Variants in BEST4 observed in about 807,000 individuals in gnomAD.
The protein encoded by BEST4 is bestrophin 4.
In BEST4, 36 loss-of-function variants were observed where a neutral mutation model predicts 47.1. The observed-to-expected ratio is 0.76, with a 90% CI of 0.59 to 1.01. BEST4 has a LOEUF of 1.01. Among genes scored for constraint, BEST4 ranks in the 50% least tolerant of loss-of-function variants. BEST4 has a pLI of 0.00. For missense variants in BEST4, 550 were observed against 648.6 expected, an observed-to-expected ratio of 0.85 and a Z score of 1.65; for synonymous variants, 250 against 277.8, an observed-to-expected ratio of 0.90 and a Z score of 1.00.
chr1:44,782,264 G>A (rs915836455), downstream of BEST4, among the ~76,000 whole-genome samples: 6 of 151,316 alleles, frequency 4.0e-5, no homozygotes, highest in East Asian at 1.9e-4. Flanking sequence ...CAAATACCTC[G>A]TGAATGAATG....
chr1:44,785,780 G>T, intron 4 of BEST4, 104 bp from the exon 5 acceptor site: 2 of 1,018,018 alleles, frequency 2.0e-6, no homozygotes, highest in Non-Finnish European at 2.9e-6. Flanking sequence ...TTCTCATTCT[G>T]CCCTCAGAGG....
At chr1:44,787,522 C>T (rs1295093583) in intron 1 of BEST4, 32 bp downstream of exon 1, 3 of 1,613,994 alleles carry the variant, frequency 1.9e-6, no homozygotes, top group Admixed American at 3.3e-5. Context: ...CCAGTCTCCC[C>T]ACTTGCGCCA....
At chr1:44,782,807 C>G (rs1010212753), downstream of BEST4, among the ~76,000 whole-genome samples, 16 of 152,168 alleles carry the variant, frequency 1.1e-4, no homozygotes, top group African/African-American at 3.6e-4. Context: ...CTCCTCTGTT[C>G]TGGCATTTAT....
At chr1:44,785,741 A>T (rs1651195869) in intron 4 of BEST4, 65 bp from the exon 5 acceptor site, 1 of 1,393,182 alleles carries the variant, frequency 7.2e-7, no homozygotes, top group South Asian at 1.2e-5. Context: ...CCCAGCACAA[A>T]CTAGGCCTGG....
upstream of BEST4, among the ~76,000 whole-genome samples, chr1:44,789,395 C>CAAAAAAA (rs35605473): frequency 2.6e-5 from 2 of 77,100 alleles, no homozygotes; most frequent in Non-Finnish European, 5.2e-5. Flanking sequence ...GACTCTGTCT[C>CAAAAAAA]AAAAAAAAAA....
At chr1:44,790,441 C>CA (rs1651381598), upstream of BEST4, among the ~76,000 whole-genome samples, 1 of 152,114 alleles carries the variant, frequency 6.6e-6, no homozygotes, top group African/African-American at 2.4e-5. Flanking sequence ...ACTGTTCCTT[C>CA]AAGATGTGGC....
rs1334208199 is a variant in BEST4 at position 44,783,993 on chromosome 1, C to G, written c.*217G>C. On this transcript the variant is annotated 3_prime_UTR_variant, in exon 9 of 9. Coordinates refer to ENST00000372207, the MANE Select transcript of BEST4 (RefSeq NM_153274.3). Reference sequence around the variant, plus strand: ...CTCATTTATTTTTCTAGCTTCACGTCCCCCAAGCAACCGACCTTCTCTCCC... The same window carrying G: ...CTCATTTATTTTTCTAGCTTCACGTGCCCCAAGCAACCGACCTTCTCTCCC... The G allele has an allele frequency of 1.1e-5, 5 of 452,392 alleles. No individual in the cohort carries two copies. The highest frequency in any genetic ancestry group is 1.2e-4 in the South Asian group (2 of 16,200). 28.0% of individuals were successfully genotyped at this position (452,392 alleles called of 1,614,324 possible). A position where few individuals can be genotyped will look rare whatever the true frequency, so the allele number is the denominator to read the frequency against.
Position 44,784,348 on chromosome 1 carries a change from C to A in BEST4, c.1284G>T (p.Arg428=). The change falls in exon 9 of 9, where the codon CGG becomes CGT. Residue 428 remains arginine, a synonymous_variant. Coordinates refer to ENST00000372207, the MANE Select transcript of BEST4 (RefSeq NM_153274.3). The surrounding 1 kb of genome is among the most constrained non-coding windows in gnomAD (Gnocchi z 6.2). The part of the protein sequence containing the change: ...VGAPSPAISL[R]NFGRVRGTPR... ...GGGTGCCTCGCACGCGGCCGAAGTT[C>A]CGGAGGCTGATGGCCGGGGAGGGCG... 2.9e-6 allele frequency: 4 copies of A among 1,392,890 alleles called. No homozygotes were observed. The highest frequency in any genetic ancestry group is 3.7e-6 in the Non-Finnish European group (4 of 1,083,058). The allele number at this position is 1,392,890 out of a possible 1,614,324, so 86.3% of individuals were successfully genotyped here.
rs1051850223 is a variant in BEST4, at chr1:44,784,391, C to G, written c.1241G>C (p.Arg414Pro). Reference protein sequence around the residue: ...APAAQTPLLGRFLGVGAPSPA... With the variant: ...APAAQTPLLGPFLGVGAPSPA... ...GGAGGGCGCCCCTACGCCCAGGAAG[C>G]GGCCGAGCAACGGGGTCTGCGCGGC... The change falls in exon 9 of 9, where the codon CGC becomes CCC. Residue 414 changes from arginine to proline, a missense_variant. Around this residue, in one of 3 missense-constraint regions of BEST4, gnomAD observed 255 missense variants for 286.6 expected, o/e 0.89. Transcript: ENST00000372207. The surrounding 1 kb of genome is among the most constrained non-coding windows in gnomAD (Gnocchi z 6.2). The G allele has an allele frequency of 2.1e-6, 3 of 1,401,026 alleles. No individual in the cohort carries two copies. Among genetic ancestry groups the G allele is most frequent in the African/African-American group, 3.1e-5 (2 of 65,482 alleles). 86.8% of individuals were successfully genotyped at this position (1,401,026 alleles called of 1,614,324 possible). A position where few individuals can be genotyped will look rare whatever the true frequency, so the allele number is the denominator to read the frequency against.
chr1:44,785,264 C>G lies in BEST4; in HGVS notation c.756G>C (p.Leu252=). The G allele has an allele frequency of 6.2e-7, 1 of 1,612,078 alleles. No homozygotes were observed. ...CTGGCTCCACAAACTGGCGGCCAAC[C>G]AGGGAGAGGGCAAAGAAAGAGTAGA... is the stretch of plus-strand genomic sequence containing the variant. The part of the protein sequence containing the change: ...IAVYSFFALS[L]VGRQFVEPEA... Residue 252 remains leucine (L), a synonymous_variant, in exon 6 of 9, where the codon CTG becomes CTC. Coordinates refer to ENST00000372207, the MANE Select transcript of BEST4 (RefSeq NM_153274.3).
rs1409814677 is a variant in BEST4, at chr1:44,784,312, CG to C, written c.1319del (p.Pro440ArgfsTer80). On this transcript the variant is annotated frameshift_variant, in exon 9 of 9. Transcript: ENST00000372207. LOFTEE classifies it low-confidence loss of function (END_TRUNC). The surrounding 1 kb of genome is among the most constrained non-coding windows in gnomAD (Gnocchi z 6.2). ...FGRVRGTPRP[P>X]HLLRFRAEEG... is the part of the protein sequence containing the mutation. ...CCTCCGCCCGGAAGCGCAGCAGATG[CG>C]GGGGGCGGGGGGTGCCTCGCACGCG... 7.2e-7 allele frequency: 1 copy of C among 1,394,420 alleles called. No individual in the cohort carries two copies. Among genetic ancestry groups the C allele is most frequent in the Non-Finnish European group, 9.2e-7 (1 of 1,085,076 alleles). The allele number at this position is 1,394,420 out of a possible 1,614,324, so 86.4% of individuals were successfully genotyped here.
rs1651205341 is a variant in BEST4 at position 44,786,083 on chromosome 1, TAGAC to T, written c.623_626del (p.Cys208TyrfsTer6). Reference sequence around the variant, plus strand: ...TCCTGAGCCCACTCACTTCCAAAAGTAGACAGAGAGCGATATCGTCACGTATTCG... The same window carrying T: ...TCCTGAGCCCACTCACTTCCAAAAGTAGAGAGCGATATCGTCACGTATTCG... On this transcript the variant is annotated frameshift_variant, in exon 4 of 9. Coordinates refer to ENST00000372207, the MANE Select transcript of BEST4 (RefSeq NM_153274.3). LOFTEE classifies it high-confidence loss of function. The surrounding 1 kb of genome is among the most constrained non-coding windows in gnomAD (Gnocchi z 4.9). The T allele has an allele frequency of 6.2e-6, 10 of 1,605,188 alleles. No individual in the cohort carries two copies. The highest frequency in any genetic ancestry group is 7.6e-6 in the Non-Finnish European group (9 of 1,176,968).
rs770400894 is a variant in BEST4, at chr1:44,787,712, G to C, written c.-7C>G. 6.2e-6 allele frequency: 10 copies of C among 1,613,720 alleles called. No individual in the cohort carries two copies. The highest frequency in any genetic ancestry group is 8.5e-6 in the Non-Finnish European group (10 of 1,180,014). Reference sequence around the variant, plus strand: ...GAGTGTATGAAACCGTCATGGTGCTGGGAGCCTGGGGCAGGAGGTCACAAG... The same window carrying C: ...GAGTGTATGAAACCGTCATGGTGCTCGGAGCCTGGGGCAGGAGGTCACAAG... On this transcript the variant is annotated 5_prime_UTR_variant, in exon 1 of 9. Coordinates refer to ENST00000372207, the MANE Select transcript of BEST4 (RefSeq NM_153274.3).
At chr1:44,787,107 C>A (rs1166798634) in intron 2 of BEST4, among the ~76,000 whole-genome samples, 1 of 149,362 alleles carries the variant, frequency 6.7e-6, no homozygotes, top group African/African-American at 2.5e-5. Flanking sequence ...CCTGCTCTGG[C>A]TGACCAGGAA....
In BEST4 at chr1:44,786,381, C is replaced by G; in HGVS notation, c.481+82G>C. On this transcript the variant is annotated intron_variant, in intron 3 of 8. Transcript: ENST00000372207. The surrounding 1 kb of genome is among the most constrained non-coding windows in gnomAD (Gnocchi z 4.9). ...CGCAGTCCAGACCCTTCCCTGGAGG[C>G]CCCTGCTCCCAGGACTCTCCCAGGC... The G allele has an allele frequency of 7.0e-7, 1 of 1,425,742 alleles. No homozygotes were observed. The highest frequency in any genetic ancestry group is 2.5e-5 in the Admixed American group (1 of 40,496). 88.3% of individuals were successfully genotyped at this position (1,425,742 alleles called of 1,614,324 possible).
chr1:44,786,590 G>T lies in BEST4; in HGVS notation c.354C>A (p.Asp118Glu), dbSNP rs373896908. 2.2e-5 allele frequency: 34 copies of T among 1,550,706 alleles called. No homozygotes were observed. The highest frequency in any genetic ancestry group is 3.0e-5 in the Non-Finnish European group (34 of 1,147,030). Residue 118 changes from aspartate to glutamate, a missense_variant, in exon 3 of 9, where the codon GAC becomes GAA. Asp to Glu is a conservative substitution (Grantham distance 45). This residue lies in a region of BEST4 where 291 missense variants were observed against 342.4 expected (regional missense o/e 0.85). Transcript: ENST00000372207. The surrounding 1 kb of genome is among the most constrained non-coding windows in gnomAD (Gnocchi z 4.9). ...CVISASVHGVDQRGRLLRRTL... is the reference protein window; with the variant it reads ...CVISASVHGVEQRGRLLRRTL... Reference sequence around the variant, plus strand: ...TGCGGCGCAGCAGGCGGCCCCGCTGGTCCACGCCGTGCACGCTAGCCGAGA... The same window carrying T: ...TGCGGCGCAGCAGGCGGCCCCGCTGTTCCACGCCGTGCACGCTAGCCGAGA...
rs1319470329 is a variant in BEST4 at position 44,785,235 on chromosome 1, G to A, written c.785C>T (p.Ala262Val). The change falls in exon 6 of 9, where the codon GCA becomes GTA. Residue 262 changes from alanine to valine, a missense_variant. By Grantham distance (64) the Ala-to-Val change is moderately conservative. Around this residue, in one of 3 missense-constraint regions of BEST4, gnomAD observed 4 missense variants for 19.6 expected, o/e 0.20. Coordinates refer to ENST00000372207, the MANE Select transcript of BEST4 (RefSeq NM_153274.3). Reference sequence around the variant, plus strand: ...AAGCTTCTGAGGTTTGGCAGCCCCTGCCTCTGGCTCCACAAACTGGCGGCC... The same window carrying A: ...AAGCTTCTGAGGTTTGGCAGCCCCTACCTCTGGCTCCACAAACTGGCGGCC... ...LVGRQFVEPE[A>V]GAAKPQKLLK... 6.2e-7 allele frequency: 1 copy of A among 1,613,154 alleles called. No individual in the cohort carries two copies. The highest frequency in any genetic ancestry group is 8.5e-7 in the Non-Finnish European group (1 of 1,179,710).
Position 44,784,375 on chromosome 1 carries a change from C to T in BEST4, c.1257G>A (p.Gly419=), listed in dbSNP as rs1027930240. Residue 419 remains glycine (G), a synonymous_variant, in exon 9 of 9, where the codon GGG becomes GGA. Transcript: ENST00000372207. The surrounding 1 kb of genome is among the most constrained non-coding windows in gnomAD (Gnocchi z 6.2). ...TPLLGRFLGV[G]APSPAISLRN... ...GGAGGCTGATGGCCGGGGAGGGCGC[C>T]CCTACGCCCAGGAAGCGGCCGAGCA... is the stretch of plus-strand genomic sequence containing the variant. 1.2e-4 allele frequency: 161 copies of T among 1,398,748 alleles called. No homozygotes were observed. The highest frequency in any genetic ancestry group is 1.7e-4 in the Admixed American group (5 of 28,612). 86.6% of individuals were successfully genotyped at this position (1,398,748 alleles called of 1,614,324 possible). A position where few individuals can be genotyped will look rare whatever the true frequency, so the allele number is the denominator to read the frequency against.
At chr1:44,782,034 T>C (rs1474463886), downstream of BEST4, among the ~76,000 whole-genome samples, 3 of 151,948 alleles carry the variant, frequency 2.0e-5, no homozygotes, top group East Asian at 5.8e-4. Context: ...TGTGGTGGCA[T>C]GTGCCTGTAA....
Sources: gnomAD v4.1 joint callset for allele counts (sites outside exome capture counted in the v4.1 genomes callset) on GRCh38, gnomAD v4.1.1 for gene constraint, gnomAD v4.1.1 regional missense constraint, Gnocchi (gnomAD v3.1) non-coding constraint, MANE v1.5 for transcripts, NCBI Gene and HGNC (gene_info 2026-07-23, HGNC 2026-07-21) for gene names.